Variants in LIFR observed in about 807,000 individuals in gnomAD.
The protein encoded by LIFR is LIF receptor subunit alpha, also known as leukemia inhibitory factor receptor.
A neutral mutation model predicts 122.2 loss-of-function variants in LIFR; 84 were observed. That is an observed-to-expected ratio of 0.69 (90% CI 0.58 to 0.82). The LOEUF is 0.82. LIFR is among the 40% of genes least tolerant of loss of function. LIFR has a pLI of 0.00. For missense variants in LIFR, 1,294 were observed against 1,311.6 expected, an observed-to-expected ratio of 0.99 and a Z score of 0.21; for synonymous variants, 422 against 434.7, an observed-to-expected ratio of 0.97 and a Z score of 0.36.
At position 38,496,743 on chromosome 5, in the gene LIFR, G is replaced by A. The variant is rs2561826; in HGVS notation, c.1672-148C>T. 0.012 allele frequency: 8,406 copies of A among 685,384 alleles called. 479 individuals are homozygous for A. The African/African-American group carries it at 0.13, about 10-fold the overall frequency. The allele number at this position is 685,384 out of a possible 1,614,324, so 42.5% of individuals were successfully genotyped here. A position where few individuals can be genotyped will look rare whatever the true frequency, so the allele number is the denominator to read the frequency against. On this transcript the variant is annotated intron_variant, in intron 12 of 19. Coordinates refer to ENST00000453190, the MANE Select transcript of LIFR (RefSeq NM_001127671.2). ...CGCTTATAATTCCAGCACTTAGGCC[G>A]AGGCAGGTGGATCACTTGAAGTCAG...
In LIFR at chr5:38,524,407, G is replaced by T. The variant is rs992592576; in HGVS notation, c.398-825C>A. On this transcript the variant is annotated intron_variant, in intron 4 of 19. Transcript: ENST00000453190. Reference sequence around the variant, plus strand: ...CAGACTGCGGGGGATTGAGACAGGGGATAAGGTGACCAATTAGGAGACCAC... The same window carrying T: ...CAGACTGCGGGGGATTGAGACAGGGTATAAGGTGACCAATTAGGAGACCAC... Among the ~76,000 whole-genome samples the T allele has an allele frequency of 1.3e-4, 20 of 152,284 alleles. No individual in the cohort carries two copies. The South Asian group carries it at 1.7e-3, about 13-fold the overall frequency.
intron 13 of LIFR, 51 bp from the exon 14 acceptor site, chr5:38,493,836 G>T: frequency 6.9e-7 from 1 of 1,454,948 alleles, no homozygotes; most frequent in Non-Finnish European, 9.7e-7. Context: ...AATAATATAA[G>T]GCAAATCTCA....
intron 1 of LIFR, among the ~76,000 whole-genome samples, chr5:38,547,216 CGA>C (rs1354650998): frequency 6.6e-6 from 1 of 152,036 alleles, no homozygotes; most frequent in Non-Finnish European, 1.5e-5. Context: ...TCCAGTGTGA[CGA>C]GATAGATAGA....
upstream of LIFR, among the ~76,000 whole-genome samples, chr5:38,597,673 T>C (rs901956962): frequency 2.0e-5 from 3 of 152,108 alleles, no homozygotes; most frequent in Non-Finnish European, 4.4e-5. Flanking sequence ...CTAAGAAATA[T>C]CCAGCCCCAA....
chr5:38,496,385 T>C lies in LIFR; in HGVS notation c.1882A>G (p.Asn628Asp). 1 of 1,610,282 alleles carries C rather than the reference T, an allele frequency of 6.2e-7. No individual in the cohort carries two copies. The highest frequency in any genetic ancestry group is 1.1e-5 in the South Asian group (1 of 90,980). ...PSKIASMEIPNDDLKIEQVVG... is the reference protein window; with the variant it reads ...PSKIASMEIPDDDLKIEQVVG... ...CTAAATCATCTCAAGCACTCACCAT[T>C]TGGAATTTCCATACTCGCTATTTTG... The change falls in exon 13 of 20, where the codon AAT becomes GAT. Residue 628 changes from asparagine to aspartate, a missense_variant. Coordinates refer to ENST00000453190, the MANE Select transcript of LIFR (RefSeq NM_001127671.2).
intron 1 of LIFR, among the ~76,000 whole-genome samples, chr5:38,577,450 C>G (rs1477077989): frequency 6.6e-6 from 1 of 152,164 alleles, no homozygotes; most frequent in Non-Finnish European, 1.5e-5. Flanking sequence ...TAGACTGCCC[C>G]TTCACCTTTT....
At chr5:38,533,138 T>C (rs1006882148) in intron 1 of LIFR, among the ~76,000 whole-genome samples, 1 of 152,196 alleles carries the variant, frequency 6.6e-6, no homozygotes, top group African/African-American at 2.4e-5. Flanking sequence ...TTTGTAAATG[T>C]GAGAAAATAA....
intron 11 of LIFR, among the ~76,000 whole-genome samples, chr5:38,501,047 G>T (rs777540146): frequency 1.3e-5 from 2 of 152,090 alleles, no homozygotes; most frequent in African/African-American, 2.4e-5. Context: ...CCCCAGTGAA[G>T]CCTGCAGTCC....
chr5:38,500,597 T>A (rs1745124700), intron 11 of LIFR, among the ~76,000 whole-genome samples: 1 of 152,258 alleles, frequency 6.6e-6, no homozygotes, highest in Non-Finnish European at 1.5e-5. Flanking sequence ...AAGTTTTGGA[T>A]CTTGGAGCAT....
At chr5:38,562,173 T>G (rs1262063454) in intron 1 of LIFR, among the ~76,000 whole-genome samples, 1 of 152,208 alleles carries the variant, frequency 6.6e-6, no homozygotes, top group African/African-American at 2.4e-5. Flanking sequence ...TTGGTCCCAA[T>G]TAACTTCCAT....
chr5:38,523,521 T>G lies in LIFR; in HGVS notation c.459A>C (p.Leu153Phe). 1 of 1,613,104 alleles carries G rather than the reference T, an allele frequency of 6.2e-7. No individual in the cohort carries two copies. The change falls in exon 5 of 20, where the codon TTA becomes TTC. Residue 153 changes from leucine (L) to phenylalanine (F), a missense_variant. Coordinates refer to ENST00000453190, the MANE Select transcript of LIFR (RefSeq NM_001127671.2). ...AACCCCTGTCGTTCCACTTTAGGTA[T>G]AATGTAGAGGTTGAGAAATCAGCAG... is the stretch of plus-strand genomic sequence containing the variant. ...NLSADFSTST[L>F]YLKWNDRGSV...
intron 14 of LIFR, among the ~76,000 whole-genome samples, chr5:38,493,154 C>A (rs1744688882): frequency 6.6e-6 from 1 of 152,010 alleles, no homozygotes; most frequent in South Asian, 2.1e-4. Flanking sequence ...CCTTGGTAAC[C>A]TGGACCCTGG....
chr5:38,519,250 T>G (rs750809906), intron 5 of LIFR, among the ~76,000 whole-genome samples: 2 of 152,228 alleles, frequency 1.3e-5, no homozygotes, highest in African/African-American at 4.8e-5. Context: ...ATTCACTCAC[T>G]GACTCACCCA....
intron 9 of LIFR, among the ~76,000 whole-genome samples, chr5:38,505,157 A>G (rs1322074537): frequency 1.7e-5 from 2 of 120,484 alleles, no homozygotes; most frequent in East Asian, 5.6e-4. Flanking sequence ...ATGGCTCTCC[A>G]GGACATCCTT....
intron 7 of LIFR, among the ~76,000 whole-genome samples, chr5:38,509,968 T>G (rs1329306335): frequency 6.6e-6 from 1 of 152,168 alleles, no homozygotes; most frequent in African/African-American, 2.4e-5. Flanking sequence ...ATGTTTCCCC[T>G]CACCCATGTC....
At chr5:38,606,938 A>G (rs1269198470) in intron 1 of LIFR, among the ~76,000 whole-genome samples, 1 of 152,236 alleles carries the variant, frequency 6.6e-6, no homozygotes, top group Non-Finnish European at 1.5e-5. Flanking sequence ...ATTAGTATTT[A>G]TTATAAAAGT....
In LIFR at chr5:38,508,800, G is replaced by A. The variant is rs546380937; in HGVS notation, c.991+1664C>T. Among the ~76,000 whole-genome samples the A allele has an allele frequency of 1.2e-4, 18 of 152,066 alleles. No individual in the cohort carries two copies. The East Asian group carries it at 3.5e-3, about 29-fold the overall frequency. On this transcript the variant is annotated intron_variant, in intron 7 of 19. Transcript: ENST00000453190. Reference sequence around the variant, plus strand: ...AGGGTTTCACCGTGTTAGCCAGGATGGTCTCGATCTCCTGACCTCGTGATC... The same window carrying A: ...AGGGTTTCACCGTGTTAGCCAGGATAGTCTCGATCTCCTGACCTCGTGATC...
intron 1 of LIFR, among the ~76,000 whole-genome samples, chr5:38,540,611 C>T (rs1747540157): frequency 6.6e-6 from 1 of 152,208 alleles, no homozygotes; most frequent in Non-Finnish European, 1.5e-5. Context: ...AGCCCCTCGC[C>T]AGCTCCTTGT....
intron 9 of LIFR, among the ~76,000 whole-genome samples, chr5:38,505,549 T>A (rs1745427480): frequency 6.6e-6 from 1 of 152,120 alleles, no homozygotes; most frequent in Non-Finnish European, 1.5e-5. Context: ...TAGAATTATA[T>A]AAGATGACAC....
Sources: gnomAD v4.1 joint callset for allele counts (sites outside exome capture counted in the v4.1 genomes callset) on GRCh38, gnomAD v4.1.1 for gene constraint, MANE v1.5 for transcripts, NCBI Gene and HGNC (gene_info 2026-07-23, HGNC 2026-07-21) for gene names.